IQSEC1: variants seen among roughly 807,000 people sequenced by gnomAD.
IQSEC1 encodes IQ motif and Sec7 domain ArfGEF 1.
In IQSEC1, 31 loss-of-function variants were observed where a neutral mutation model predicts 91.0. The ratio of observed to expected loss-of-function variants is 0.34; its 90% CI spans 0.26 to 0.46. The LOEUF (loss-of-function observed/expected upper bound fraction) is 0.46. Ranked by LOEUF, IQSEC1 falls within the 20% of genes least tolerant of loss-of-function variation. The probability of loss-of-function intolerance (pLI) is 1.00; values close to 1 mark genes in which losing one functional copy is unlikely to be tolerated. For missense variants in IQSEC1, 1,388 were observed against 1,575.6 expected, an observed-to-expected ratio of 0.88 and a Z score of 2.02; for synonymous variants, 699 against 662.6, an observed-to-expected ratio of 1.05 and a Z score of -0.84.
chr3:12,918,458 G>C (rs1226137597), intron 6 of IQSEC1, among the ~76,000 whole-genome samples: 1 of 152,128 alleles, frequency 6.6e-6, no homozygotes, highest in Non-Finnish European at 1.5e-5. Flanking sequence ...AGTCATTTCT[G>C]GTTCCTCCTG....
At chr3:13,088,829 G>T (rs1165408667) in intron 2 of IQSEC1, among the ~76,000 whole-genome samples, 1 of 152,138 alleles carries the variant, frequency 6.6e-6, no homozygotes, top group Non-Finnish European at 1.5e-5. Context: ...TTTGCCCAGG[G>T]GGATATTCAA....
At chr3:13,071,910 C>T (rs1425256781) in intron 1 of IQSEC1, among the ~76,000 whole-genome samples, 1 of 152,182 alleles carries the variant, frequency 6.6e-6, no homozygotes, top group Admixed American at 6.5e-5. Flanking sequence ...CCGCCTGGCA[C>T]TGCTGACGCA....
chr3:13,113,727 G>C (rs915983781), intron 2 of IQSEC1, among the ~76,000 whole-genome samples: 6 of 152,210 alleles, frequency 3.9e-5, no homozygotes, highest in Admixed American at 2.0e-4. Context: ...CCCAGCGTGG[G>C]CCGCATGGCA....
intron 1 of IQSEC1, among the ~76,000 whole-genome samples, chr3:13,220,713 G>A (rs1378009981): frequency 1.3e-5 from 2 of 152,230 alleles, no homozygotes; most frequent in Admixed American, 1.3e-4. Context: ...CGAGGTGCAC[G>A]TCGACCCTTG....
chr3:13,207,416 C>T lies in IQSEC1; in HGVS notation c.273-43283G>A, dbSNP rs1464101628. Among the ~76,000 whole-genome samples, 3 of 150,112 alleles carry T rather than the reference C, an allele frequency of 2.0e-5. No homozygotes were observed. Among genetic ancestry groups the T allele is most frequent in the South Asian group, 2.1e-4 (1 of 4,752 alleles). ...CGTCTTCTCTGCCAGGTCCCTGGGA[C>T]GGCTTCCCTCTGGCCACCCCCAGAC... On this transcript the variant is annotated intron_variant, in intron 1 of 15. Coordinates refer to the IQSEC1 transcript ENST00000648114. This position sits in a 1 kb window ranked among gnomAD's most constrained non-coding sequence, Gnocchi z 4.8.
chr3:12,978,126 C>T lies in IQSEC1; in HGVS notation c.24-36261G>A, dbSNP rs114166430. 6.6e-3 allele frequency among the ~76,000 whole-genome samples: 1,007 copies of T among 152,304 alleles called. 16 individuals carry two copies. Among genetic ancestry groups the T allele is most frequent in the African/African-American group, 0.023 (951 of 41,552 alleles). On this transcript the variant is annotated intron_variant, in intron 1 of 13. Transcript: ENST00000613206. The stretch of plus-strand genomic sequence containing the variant: ...ACATTCCTGCATGAGTTCACATAAT[C>T]CTGACAGAAATTCTACAAGGTGCGG...
chr3:13,250,577 G>T lies in IQSEC1; in HGVS notation c.272+32134C>A, dbSNP rs1048179440. On this transcript the variant is annotated intron_variant, in intron 1 of 15. Transcript: ENST00000648114. ...AGCCTCCGAGTAGCTGGGATTACAG[G>T]CGCCCGCCTCCACCTCACCCAGATA... is the stretch of plus-strand genomic sequence containing the variant. 5.3e-5 allele frequency among the ~76,000 whole-genome samples: 8 copies of T among 151,206 alleles called. No homozygotes were observed. In the South Asian group the frequency reaches 1.7e-3, roughly 32 times the overall value.
chr3:12,902,704 C>T (rs1199521848), intron 13 of IQSEC1, 69 bp downstream of exon 13: 1 of 461,862 alleles, frequency 2.2e-6, no homozygotes. Context: ...ACCAGGACAA[C>T]AGATATGAAC....
chr3:13,055,042 G>T (rs1341633890), intron 1 of IQSEC1, among the ~76,000 whole-genome samples: 3 of 152,228 alleles, frequency 2.0e-5, no homozygotes, highest in African/African-American at 7.2e-5. Context: ...GAAGGCTCCT[G>T]TCCACCCACC....
At chr3:13,032,147 A>C (rs1210498741) in intron 1 of IQSEC1, among the ~76,000 whole-genome samples, 1 of 152,056 alleles carries the variant, frequency 6.6e-6, no homozygotes. Context: ...TAAGGTGCCC[A>C]CCTCAAGCCC....
At chr3:13,094,845 A>G (rs1253763335) in intron 2 of IQSEC1, among the ~76,000 whole-genome samples, 1 of 152,190 alleles carries the variant, frequency 6.6e-6, no homozygotes, top group Non-Finnish European at 1.5e-5. Flanking sequence ...GGGAAGATCA[A>G]TAGTTGAGTT....
intron 1 of IQSEC1, among the ~76,000 whole-genome samples, chr3:12,987,606 A>G (rs1053488640): frequency 2.2e-4 from 33 of 152,260 alleles, no homozygotes; most frequent in African/African-American, 7.5e-4. Flanking sequence ...TGAATTAAGA[A>G]TTCTGAAATT....
At chr3:13,172,716 G>A (rs781684122) in intron 1 of IQSEC1, among the ~76,000 whole-genome samples, 42 of 152,220 alleles carry the variant, frequency 2.8e-4, no homozygotes, top group Non-Finnish European at 5.4e-4. Context: ...TGAGGGCAGT[G>A]ACCTGCCTGA....
intron 2 of IQSEC1, among the ~76,000 whole-genome samples, chr3:13,090,600 G>A (rs1476714026): frequency 2.0e-5 from 3 of 152,300 alleles, no homozygotes; most frequent in Admixed American, 2.0e-4. Context: ...CCTGGTGCAG[G>A]GGCAGGTCCT....
rs1393618300 is a variant in IQSEC1, at chr3:12,920,495, A to G, written c.1955T>C (p.Met652Thr). The change falls in exon 6 of 14, where the codon ATG becomes ACG. Residue 652 changes from methionine to threonine, a missense_variant. Coordinates refer to ENST00000613206, the MANE Select transcript of IQSEC1 (RefSeq NM_001134382.3). ...AFAIILLNTD[M>T]YSPNVKPERK... Reference sequence around the variant, plus strand: ...CTCGGGCTTGACATTGGGGCTGTACATGTCGGTGTTCAGCAGGATGATGGC... The same window carrying G: ...CTCGGGCTTGACATTGGGGCTGTACGTGTCGGTGTTCAGCAGGATGATGGC... 7 of 1,614,106 alleles carry G rather than the reference A, an allele frequency of 4.3e-6. No homozygotes were observed. The highest frequency in any genetic ancestry group is 4.5e-5 in the East Asian group (2 of 44,898).
chr3:13,220,986 G>A (rs1387670272), intron 1 of IQSEC1, among the ~76,000 whole-genome samples: 1 of 152,254 alleles, frequency 6.6e-6, no homozygotes, highest in East Asian at 1.9e-4. Flanking sequence ...CCATGGTTGG[G>A]GAAACGACAT....
At position 13,073,116 on chromosome 3, in the gene IQSEC1, A is replaced by G. The variant is rs775095662; in HGVS notation, c.-102T>C. Reference sequence around the variant, plus strand: ...CGGCTCAGGCAAGAAGTGGAGGGGAATAAAATTAAATCGCGGGGCGAGTCA... The same window carrying G: ...CGGCTCAGGCAAGAAGTGGAGGGGAGTAAAATTAAATCGCGGGGCGAGTCA... On this transcript the variant is annotated 5_prime_UTR_variant, in exon 1 of 14. Transcript: ENST00000613206. 1 of 1,388,640 alleles carries G rather than the reference A, an allele frequency of 7.2e-7. No individual in the cohort carries two copies. The highest frequency in any genetic ancestry group is 1.0e-6 in the Non-Finnish European group (1 of 1,000,298). The allele number at this position is 1,388,640 out of a possible 1,614,324, so 86.0% of individuals were successfully genotyped here. A position where few individuals can be genotyped will look rare whatever the true frequency, so the allele number is the denominator to read the frequency against.
At chr3:13,106,856 A>G (rs1706160728) in intron 2 of IQSEC1, among the ~76,000 whole-genome samples, 1 of 152,228 alleles carries the variant, frequency 6.6e-6, no homozygotes, top group Non-Finnish European at 1.5e-5. Context: ...TCGTTAACAT[A>G]CATTTTTCTA....
chr3:13,044,779 T>C (rs1158044035), intron 1 of IQSEC1, among the ~76,000 whole-genome samples: 4 of 152,150 alleles, frequency 2.6e-5, no homozygotes, highest in African/African-American at 9.7e-5. Flanking sequence ...CAGCAATTAC[T>C]GGCTGGGACC....
Sources: allele counts gnomAD v4.1 joint callset (sites outside exome capture counted in the v4.1 genomes callset), GRCh38; gene constraint gnomAD v4.1.1; non-coding constraint Gnocchi (gnomAD v3.1); transcripts MANE v1.5; gene names NCBI Gene and HGNC (gene_info 2026-07-23, HGNC 2026-07-21).